Variants in ARHGAP26 observed in about 807,000 individuals in gnomAD.
ARHGAP26 encodes rho GTPase-activating protein 26.
In ARHGAP26, 38 loss-of-function variants were observed where a neutral mutation model predicts 104.8. The ratio of observed to expected loss-of-function variants is 0.36; its 90% CI spans 0.28 to 0.48. The LOEUF is 0.48. Ranked by LOEUF, ARHGAP26 falls within the 20% of genes least tolerant of loss-of-function variation. The probability of loss-of-function intolerance (pLI) is 0.99; values close to 1 mark genes in which losing one functional copy is unlikely to be tolerated. For missense variants in ARHGAP26, 704 were observed against 947.9 expected (o/e 0.74, Z 3.38); for synonymous variants, 341 against 340.0 (o/e 1.00, Z -0.03).
At chr5:143,108,023 C>T (rs1794259807) in intron 17 of ARHGAP26, among the ~76,000 whole-genome samples, 3 of 152,158 alleles carry the variant, frequency 2.0e-5, no homozygotes, top group Middle Eastern at 3.2e-3. Flanking sequence ...ACATGTACCA[C>T]TATATATAAA....
rs1248367814 is a variant in ARHGAP26, at chr5:143,224,503, G to A, written c.*2057G>A. ...GAAGCTCAGGATTTAAATAAGTGGG[G>A]TCAGGCATTCGAGTTTTTGTCTTTC... is the stretch of plus-strand genomic sequence containing the variant. On this transcript the variant is annotated 3_prime_UTR_variant, in exon 23 of 23. Transcript: ENST00000645722. 8.7e-6 allele frequency: 2 copies of A among 230,512 alleles called. No individual in the cohort carries two copies. Among genetic ancestry groups the A allele is most frequent in the African/African-American group, 2.2e-5 (1 of 45,182 alleles). 14.3% of individuals were successfully genotyped at this position (230,512 alleles called of 1,614,324 possible). A position where few individuals can be genotyped will look rare whatever the true frequency, so the allele number is the denominator to read the frequency against.
rs3756398 is a variant in ARHGAP26 at position 142,913,677 on chromosome 5, A to T, written c.1028+384A>T. Among the ~76,000 whole-genome samples the T allele has an allele frequency of 6.3e-3, 958 of 152,292 alleles. 30 individuals carry two copies. The highest frequency in any genetic ancestry group is 0.042 in the East Asian group (219 of 5,182). ...GTATCAGCTATTTGAATTTTTTTTA[A>T]CTGAAAAAGTTAGTATAATGATTCG... is the stretch of plus-strand genomic sequence containing the variant. On this transcript the variant is annotated intron_variant, in intron 10 of 22. Coordinates refer to ENST00000645722, the MANE Select transcript of ARHGAP26 (RefSeq NM_001135608.3).
intron 11 of ARHGAP26, among the ~76,000 whole-genome samples, chr5:142,991,325 G>A (rs151251422): frequency 0.023 from 3,556 of 152,320 alleles, 59 homozygotes; most frequent in Middle Eastern, 0.051. Context: ...CGCAGTATTA[G>A]GGTGGGAGTG....
intron 14 of ARHGAP26, among the ~76,000 whole-genome samples, chr5:143,049,078 T>C (rs1035159572): frequency 6.6e-6 from 1 of 152,184 alleles, no homozygotes; most frequent in Non-Finnish European, 1.5e-5. Context: ...CCACTACTTT[T>C]ATATATCACC....
At chr5:142,972,655 C>T (rs1400816175) in intron 11 of ARHGAP26, among the ~76,000 whole-genome samples, 1 of 152,046 alleles carries the variant, frequency 6.6e-6, no homozygotes, top group African/African-American at 2.4e-5. Context: ...ATTCTCTACC[C>T]CCCAAGAACA....
chr5:142,881,400 A>G (rs1756979154), intron 4 of ARHGAP26, among the ~76,000 whole-genome samples: 1 of 152,140 alleles, frequency 6.6e-6, no homozygotes, highest in Admixed American at 6.5e-5. Context: ...TAATGATAGG[A>G]GGAGCTACTG....
Position 143,227,496 on chromosome 5 carries a change from C to T in ARHGAP26, c.*5050C>T, listed in dbSNP as rs1811763414. 1 of 231,162 alleles carries T rather than the reference C, an allele frequency of 4.3e-6. No individual in the cohort carries two copies. Among genetic ancestry groups the T allele is most frequent in the Non-Finnish European group, 8.6e-6 (1 of 116,728 alleles). 14.3% of individuals were successfully genotyped at this position (231,162 alleles called of 1,614,324 possible). ...CACACCGATCGGCTGGGTGCTGAAC[C>T]GCCTCTCTGTAATTGTAGCATCAAA... On this transcript the variant is annotated 3_prime_UTR_variant, in exon 23 of 23. Transcript: ENST00000645722.
chr5:143,209,374 G>C (rs1013489113), intron 21 of ARHGAP26, among the ~76,000 whole-genome samples: 3 of 152,096 alleles, frequency 2.0e-5, no homozygotes, highest in Non-Finnish European at 4.4e-5. Context: ...AATAGAATCT[G>C]CCATTCTGTT....
chr5:142,786,892 G>T (rs542152684), intron 1 of ARHGAP26, among the ~76,000 whole-genome samples: 1 of 151,998 alleles, frequency 6.6e-6, no homozygotes, highest in Non-Finnish European at 1.5e-5. Flanking sequence ...TGATCTGCCC[G>T]CCTTGGCCTC....
rs1262500602 is a variant in ARHGAP26 at position 142,863,136 on chromosome 5, AG to A, written c.155-10263del. 2.1e-5 allele frequency among the ~76,000 whole-genome samples: 3 copies of A among 141,338 alleles called. No individual in the cohort carries two copies. The East Asian group carries it at 6.2e-4, about 29-fold the overall frequency. 92.7% of individuals were successfully genotyped at this position (141,338 alleles called of 152,430 possible). A position where few individuals can be genotyped will look rare whatever the true frequency, so the allele number is the denominator to read the frequency against. On this transcript the variant is annotated intron_variant, in intron 1 of 22. Transcript: ENST00000645722. ...TTTTTTTTTTTTCTTTTTGAGAAGG[AG>A]TCTTGCTCTGTCACACAGGCTGGAG...
chr5:143,053,479 G>A (rs554481859), intron 14 of ARHGAP26, among the ~76,000 whole-genome samples: 1 of 152,298 alleles, frequency 6.6e-6, no homozygotes, highest in African/African-American at 2.4e-5. Flanking sequence ...GTATGACCTG[G>A]CCTGCCTCAC....
chr5:142,979,924 T>G (rs553283279), intron 11 of ARHGAP26, among the ~76,000 whole-genome samples: 2 of 152,344 alleles, frequency 1.3e-5, no homozygotes, highest in Non-Finnish European at 2.9e-5. Flanking sequence ...GAGAGGAATG[T>G]CACCTGGAGT....
intron 12 of ARHGAP26, among the ~76,000 whole-genome samples, chr5:143,025,090 C>A (rs754701105): frequency 1.3e-5 from 2 of 152,106 alleles, no homozygotes; most frequent in African/African-American, 4.8e-5. Flanking sequence ...ATTCTTATTA[C>A]CAATAATGTC....
chr5:143,027,902 C>G (rs1781300853), intron 12 of ARHGAP26, among the ~76,000 whole-genome samples: 1 of 152,116 alleles, frequency 6.6e-6, no homozygotes, highest in Non-Finnish European at 1.5e-5. Context: ...GGAGAGGGCC[C>G]AGAATCTGCA....
intron 11 of ARHGAP26, among the ~76,000 whole-genome samples, chr5:142,963,372 C>G (rs549881232): frequency 2.0e-5 from 3 of 151,536 alleles, no homozygotes; most frequent in African/African-American, 7.3e-5. Flanking sequence ...TGGGTGTATA[C>G]CCAGTAATGG....
intron 5 of ARHGAP26, among the ~76,000 whole-genome samples, chr5:142,890,151 A>AATATAC (rs1758398006): frequency 3.1e-5 from 1 of 32,432 alleles, no homozygotes; most frequent in Non-Finnish European, 5.5e-5. Context: ...AAAAAAAAAA[A>AATATAC]ATATATATAT....
intron 1 of ARHGAP26, among the ~76,000 whole-genome samples, chr5:142,773,932 C>T (rs1177090779): frequency 2.6e-5 from 4 of 152,186 alleles, no homozygotes; most frequent in Non-Finnish European, 5.9e-5. Flanking sequence ...TGCTTTAAAG[C>T]CTGTCACCCT....
intron 1 of ARHGAP26, among the ~76,000 whole-genome samples, chr5:142,841,094 C>G (rs1474704859): frequency 6.6e-6 from 1 of 152,110 alleles, no homozygotes; most frequent in Non-Finnish European, 1.5e-5. Flanking sequence ...GCTTGATTTC[C>G]TTTCCTCATC....
chr5:143,139,922 CT>C (rs1363066189), intron 19 of ARHGAP26, among the ~76,000 whole-genome samples: 1 of 152,180 alleles, frequency 6.6e-6, no homozygotes. Flanking sequence ...GCAACAAGGT[CT>C]TGTACCTTAT....
Sources: allele counts gnomAD v4.1 joint callset (sites outside exome capture counted in the v4.1 genomes callset), GRCh38; gene constraint gnomAD v4.1.1; transcripts MANE v1.5; gene names NCBI Gene and HGNC (gene_info 2026-07-23, HGNC 2026-07-21).